TMEM109: variants seen among roughly 807,000 people sequenced by gnomAD.
TMEM109 encodes voltage-gated monoatomic cation channel TMEM109.
Under a neutral mutation model 26.4 loss-of-function variants are expected in TMEM109, and 19 were observed. That is an observed-to-expected ratio of 0.72 (90% CI 0.50 to 1.06). The LOEUF is 1.06. Ranked by LOEUF, TMEM109 falls within the 50% of genes least tolerant of loss-of-function variation. The probability of loss-of-function intolerance (pLI) is 0.00; values close to 1 mark genes in which losing one functional copy is unlikely to be tolerated. For missense variants in TMEM109, 262 were observed against 303.4 expected (o/e 0.86, Z 1.01); for synonymous variants, 129 against 142.0 (o/e 0.91, Z 0.65).
intron 1 of TMEM109, among the ~76,000 whole-genome samples, chr11:60,918,040 T>G (rs1000832344): frequency 1.3e-5 from 2 of 152,134 alleles, no homozygotes; most frequent in African/African-American, 4.8e-5. Context: ...GGGTCCAATG[T>G]CAGAAGTACC....
At chr11:60,916,859 A>G (rs548714170) in intron 1 of TMEM109, among the ~76,000 whole-genome samples, 1 of 152,328 alleles carries the variant, frequency 6.6e-6, no homozygotes, top group Admixed American at 6.5e-5. Flanking sequence ...GGCTGAGGAA[A>G]CGATATTTGA....
chr11:60,922,169 G>A lies in TMEM109; in HGVS notation c.*4G>A, dbSNP rs781503937. The A allele has an allele frequency of 2.4e-5, 38 of 1,576,130 alleles. No homozygotes were observed. The highest frequency in any genetic ancestry group is 1.5e-4 in the African/African-American group (11 of 73,772). The stretch of plus-strand genomic sequence containing the variant: ...CCGCAGTGTGGAGGAGGAGTGAGCC[G>A]GATGCCCCACACACCGCCAGTGTCA... On this transcript the variant is annotated 3_prime_UTR_variant, in exon 4 of 4. Transcript: ENST00000227525.
chr11:60,920,257 G>T (rs762813708), intron 2 of TMEM109, among the ~76,000 whole-genome samples: 2 of 152,166 alleles, frequency 1.3e-5, no homozygotes, highest in Non-Finnish European at 2.9e-5. Flanking sequence ...TCTCGAAATG[G>T]CAAAATATCA....
chr11:60,921,758 C>G lies in TMEM109; in HGVS notation c.341-16C>G. 3 of 1,598,524 alleles carry G rather than the reference C, an allele frequency of 1.9e-6. No individual in the cohort carries two copies. Among genetic ancestry groups the G allele is most frequent in the Non-Finnish European group, 2.6e-6 (3 of 1,173,904 alleles). ...TTCTCCAGGTTGGCTGACTCTGTGA[C>G]TCTCTTGGCTTCCAGGTGATTACCT... On this transcript the variant is annotated splice_polypyrimidine_tract_variant and intron_variant, in intron 3 of 3. Transcript: ENST00000227525.
At chr11:60,921,066 G>A in intron 3 of TMEM109, 78 bp downstream of exon 3, 2 of 1,304,110 alleles carry the variant, frequency 1.5e-6, no homozygotes, top group Non-Finnish European at 2.2e-6. Flanking sequence ...CTTTGTCAGG[G>A]TCTAGCCTTT....
At chr11:60,915,874 C>T (rs1274885572) in intron 1 of TMEM109, among the ~76,000 whole-genome samples, 1 of 152,174 alleles carries the variant, frequency 6.6e-6, no homozygotes, top group Non-Finnish European at 1.5e-5. Context: ...TCTCCAGACC[C>T]ACCTGAGCCA....
intron 3 of TMEM109, among the ~76,000 whole-genome samples, chr11:60,921,544 G>C (rs1312201974): frequency 6.6e-6 from 1 of 152,198 alleles, no homozygotes; most frequent in Non-Finnish European, 1.5e-5. Context: ...CAGTAGAATT[G>C]TTCCCGTTTA....
chr11:60,921,223 G>T (rs1415344018), intron 3 of TMEM109, among the ~76,000 whole-genome samples: 1 of 152,138 alleles, frequency 6.6e-6, no homozygotes, highest in East Asian at 1.9e-4. Context: ...GAGGCCAGAA[G>T]TTTGAGACCA....
At chr11:60,918,819 G>A (rs756879263) in intron 1 of TMEM109, 3 of 152,176 alleles carry the variant, frequency 2.0e-5, no homozygotes, top group Non-Finnish European at 4.4e-5. Context: ...CTCTGTATCA[G>A]TGGTTCTCAA....
At chr11:60,916,181 A>G (rs894017691) in intron 1 of TMEM109, among the ~76,000 whole-genome samples, 2 of 152,184 alleles carry the variant, frequency 1.3e-5, no homozygotes, top group Non-Finnish European at 2.9e-5. Flanking sequence ...GTGATCTTGG[A>G]TAAGTCACTC....
At chr11:60,917,681 C>T (rs1324927245) in intron 1 of TMEM109, among the ~76,000 whole-genome samples, 3 of 151,778 alleles carry the variant, frequency 2.0e-5, no homozygotes, top group Non-Finnish European at 1.5e-5. Context: ...TTTTTTTAAG[C>T]GTCTTGCTCT....
chr11:60,915,013 A>C (rs1856158267), intron 1 of TMEM109, among the ~76,000 whole-genome samples: 2 of 151,924 alleles, frequency 1.3e-5, no homozygotes, highest in Admixed American at 1.3e-4. Context: ...TTCTCGTTCG[A>C]CCCTCACGGT....
intron 1 of TMEM109, 114 bp from the exon 2 acceptor site, chr11:60,919,572 G>T: frequency 1.2e-6 from 1 of 845,056 alleles, no homozygotes; most frequent in Non-Finnish European, 1.9e-6. Context: ...TCTTTCCAGG[G>T]TTAGTTTGGT....
At chr11:60,915,055 A>G (rs1417232578) in intron 1 of TMEM109, among the ~76,000 whole-genome samples, 1 of 152,210 alleles carries the variant, frequency 6.6e-6, no homozygotes, top group Non-Finnish European at 1.5e-5. Flanking sequence ...TCATTTAATA[A>G]ACATTTATTA....
At chr11:60,918,087 C>A (rs1197915198) in intron 1 of TMEM109, among the ~76,000 whole-genome samples, 1 of 152,316 alleles carries the variant, frequency 6.6e-6, no homozygotes, top group African/African-American at 2.4e-5. Flanking sequence ...TAATACTTAA[C>A]CTGCCTCAAT....
At chr11:60,915,878 T>G (rs1368685437) in intron 1 of TMEM109, among the ~76,000 whole-genome samples, 1 of 152,216 alleles carries the variant, frequency 6.6e-6, no homozygotes, top group Non-Finnish European at 1.5e-5. Flanking sequence ...CAGACCCACC[T>G]GAGCCATATT....
At position 60,922,777 on chromosome 11, in the gene TMEM109, T is replaced by C. The variant is rs1442136263; in HGVS notation, c.*612T>C. ...GGGCTGCAGGGGAGGAGGATGTACC[T>C]TGTGTCTCTTTCAAGTGCCTTAATC... is the stretch of plus-strand genomic sequence containing the variant. On this transcript the variant is annotated 3_prime_UTR_variant, in exon 4 of 4. Transcript: ENST00000227525. 5.6e-6 allele frequency: 1 copy of C among 179,008 alleles called. No homozygotes were observed. The highest frequency in any genetic ancestry group is 2.4e-5 in the African/African-American group (1 of 42,504). 11.1% of individuals were successfully genotyped at this position (179,008 alleles called of 1,614,324 possible).
In TMEM109 at chr11:60,919,800, G is replaced by C. The variant is rs139328208; in HGVS notation, c.107G>C (p.Arg36Pro). 5.6e-6 allele frequency: 9 copies of C among 1,614,100 alleles called. No individual in the cohort carries two copies. In the East Asian group the frequency reaches 6.7e-5, roughly 12 times the overall value. ...CTCCACTCAGCATTGGCCCAGTCCC[G>C]TCGAGACTTTGCACCACCAGGCCAA... is the stretch of plus-strand genomic sequence containing the variant. ...ILLHSALAQS[R>P]RDFAPPGQQK... is the part of the protein sequence containing the mutation. Residue 36 changes from arginine to proline, a missense_variant, in exon 2 of 4, where the codon CGT (arginine) becomes CCT (proline). Coordinates refer to ENST00000227525, the MANE Select transcript of TMEM109 (RefSeq NM_024092.3).
In TMEM109 at chr11:60,922,421, A is replaced by T; in HGVS notation, c.*256A>T. On this transcript the variant is annotated 3_prime_UTR_variant, in exon 4 of 4. Coordinates refer to ENST00000227525, the MANE Select transcript of TMEM109 (RefSeq NM_024092.3). ...CCTTTCTCTGCTCCCAGCCTGCCTC[A>T]CCAGGGAAGGTTGGAGGGGCCTCCC... 6.7e-7 allele frequency: 1 copy of T among 1,486,268 alleles called. No homozygotes were observed. The highest frequency in any genetic ancestry group is 9.0e-7 in the Non-Finnish European group (1 of 1,109,326). 92.1% of individuals were successfully genotyped at this position (1,486,268 alleles called of 1,614,324 possible).
Sources: allele counts gnomAD v4.1 joint callset (sites outside exome capture counted in the v4.1 genomes callset), GRCh38; gene constraint gnomAD v4.1.1; transcripts MANE v1.5; gene names NCBI Gene and HGNC (gene_info 2026-07-23, HGNC 2026-07-21).